The following UTRN variants were observed in gnomAD, a reference collection of about 807,000 sequenced individuals.
UTRN encodes the protein dystrophin-related protein 1.
UTRN carries 283 observed loss-of-function variants against 463.9 expected under a neutral mutation model. That is an observed-to-expected ratio of 0.61 (90% CI 0.55 to 0.67). The LOEUF is 0.67. Among genes scored for constraint, UTRN ranks in the 30% least tolerant of loss-of-function variants. The pLI, the probability that UTRN is intolerant of heterozygous loss-of-function variation, is 0.00. For synonymous variants in UTRN, 1,442 were observed against 1,431.5 expected, an observed-to-expected ratio of 1.01 and a Z score of -0.17; for missense variants, 3,922 against 4,084.3, an observed-to-expected ratio of 0.96 and a Z score of 1.08.
chr6:144,714,905 C>G (rs1463148795), intron 53 of UTRN, among the ~76,000 whole-genome samples: 2 of 151,350 alleles, frequency 1.3e-5, no homozygotes, highest in Non-Finnish European at 2.9e-5. Flanking sequence ...GAACACCGCA[C>G]TCTCCTGATG....
intron 2 of UTRN, chr6:144,312,182 T>G (rs1406971912): frequency 6.6e-6 from 1 of 152,180 alleles, no homozygotes; most frequent in Non-Finnish European, 1.5e-5. Flanking sequence ...TCCCAGCACT[T>G]TGGGAGGCCG....
intron 51 of UTRN, among the ~76,000 whole-genome samples, chr6:144,620,385 G>A (rs752461864): frequency 6.6e-6 from 1 of 151,822 alleles, no homozygotes; most frequent in South Asian, 2.1e-4. Context: ...TCTAATAAAG[G>A]CTCCATCTGC....
rs1329032391 is a variant in UTRN at position 144,721,795 on chromosome 6, C to T, written c.7810-8562C>T. Among the ~76,000 whole-genome samples the T allele has an allele frequency of 2.0e-5, 3 of 151,982 alleles. No individual in the cohort carries two copies. The East Asian group carries it at 5.9e-4, about 30-fold the overall frequency. On this transcript the variant is annotated intron_variant, in intron 53 of 74. Coordinates refer to ENST00000367545, the MANE Select transcript of UTRN (RefSeq NM_007124.3). ...TGAAATTCATTTGTTTCAGATATAC[C>T]TTAGACACATAGCCTGAAGGTAATT...
chr6:144,798,906 T>A (rs926936613), intron 64 of UTRN, among the ~76,000 whole-genome samples: 8 of 152,352 alleles, frequency 5.3e-5, no homozygotes, highest in African/African-American at 1.9e-4. Context: ...CACACCCAGC[T>A]AATTTTTGTA....
At chr6:144,835,985 T>C (rs759313514) in intron 70 of UTRN, 47 bp downstream of exon 70, 4 of 1,597,048 alleles carry the variant, frequency 2.5e-6, no homozygotes, top group South Asian at 1.1e-5. Context: ...TTCTTTTGTA[T>C]GAATTTCACT....
chr6:144,532,278 A>G (rs1057476837), intron 42 of UTRN, among the ~76,000 whole-genome samples: 1 of 152,212 alleles, frequency 6.6e-6, no homozygotes, highest in African/African-American at 2.4e-5. Context: ...GTCTGTTCTC[A>G]TGCTGCTAAT....
chr6:144,734,089 G>A (rs1789081219), intron 54 of UTRN, among the ~76,000 whole-genome samples: 1 of 151,992 alleles, frequency 6.6e-6, no homozygotes, highest in South Asian at 2.1e-4. Context: ...ATTTTTATGA[G>A]CTAGATGCTT....
intron 14 of UTRN, among the ~76,000 whole-genome samples, chr6:144,445,267 C>T (rs1177953512): frequency 6.8e-6 from 1 of 146,780 alleles, no homozygotes; most frequent in Non-Finnish European, 1.5e-5. Context: ...AGGAGAATTG[C>T]TGGAACCCAG....
chr6:144,474,465 A>G (rs979492786), intron 24 of UTRN, 139 bp from the exon 25 acceptor site: 13 of 893,190 alleles, frequency 1.5e-5, no homozygotes, highest in Admixed American at 7.1e-5. Flanking sequence ...TTAAGGCACA[A>G]TATTTCTTAA....
intron 51 of UTRN, among the ~76,000 whole-genome samples, chr6:144,641,514 G>A (rs752763481): frequency 6.6e-6 from 1 of 152,144 alleles, no homozygotes; most frequent in Non-Finnish European, 1.5e-5. Context: ...AATGAGGCAT[G>A]TTGACCCCCT....
Position 144,849,415 on chromosome 6 carries a change from A to G in UTRN, c.10294-1574A>G, listed in dbSNP as rs558723200. 1.1e-4 allele frequency among the ~76,000 whole-genome samples: 17 copies of G among 152,312 alleles called. No homozygotes were observed. In the East Asian group the frequency reaches 1.2e-3, roughly 10 times the overall value. On this transcript the variant is annotated intron_variant, in intron 74 of 74. Coordinates refer to ENST00000367545, the MANE Select transcript of UTRN (RefSeq NM_007124.3). ...ATCCTCAGATATAATACAAGTGCTC[A>G]GAATTTAAAGCAGAAAATTATCTGA...
intron 2 of UTRN, among the ~76,000 whole-genome samples, chr6:144,356,585 G>T (rs1329193500): frequency 6.6e-6 from 1 of 152,154 alleles, no homozygotes; most frequent in Non-Finnish European, 1.5e-5. Context: ...CGTTTAGGTG[G>T]GTGGATCACT....
chr6:144,544,710 A>G (rs901446987), intron 46 of UTRN, among the ~76,000 whole-genome samples: 1 of 151,956 alleles, frequency 6.6e-6, no homozygotes, highest in African/African-American at 2.4e-5. Flanking sequence ...AAGAAAAAAA[A>G]AACCTTTTTC....
intron 2 of UTRN, among the ~76,000 whole-genome samples, chr6:144,394,144 C>T (rs1782186422): frequency 6.6e-6 from 1 of 152,160 alleles, no homozygotes; most frequent in Non-Finnish European, 1.5e-5. Flanking sequence ...AGAATGTCAT[C>T]ATTGGCTTTT....
intron 53 of UTRN, among the ~76,000 whole-genome samples, chr6:144,728,074 C>T (rs1350373305): frequency 6.9e-6 from 1 of 145,196 alleles, no homozygotes; most frequent in Non-Finnish European, 1.5e-5. Flanking sequence ...TCACTCCAGC[C>T]TGGGTGACAG....
intron 51 of UTRN, among the ~76,000 whole-genome samples, chr6:144,655,244 A>G (rs1392217671): frequency 6.6e-6 from 1 of 152,252 alleles, no homozygotes; most frequent in Non-Finnish European, 1.5e-5. Flanking sequence ...TACCTTAAAT[A>G]GCTACCAGCT....
intron 51 of UTRN, among the ~76,000 whole-genome samples, chr6:144,640,875 T>C (rs1464314668): frequency 6.6e-6 from 1 of 152,232 alleles, no homozygotes; most frequent in Non-Finnish European, 1.5e-5. Flanking sequence ...TCAGTTTCAT[T>C]TGAAGACCAG....
intron 53 of UTRN, among the ~76,000 whole-genome samples, chr6:144,701,319 TAA>T (rs79923959): frequency 7.1e-4 from 100 of 141,168 alleles, no homozygotes; most frequent in African/African-American, 1.2e-3. Context: ...GGACTTGTAG[TAA>T]AAAAAAAAAA....
chr6:144,595,162 C>G (rs1803512775), intron 51 of UTRN, among the ~76,000 whole-genome samples: 1 of 152,096 alleles, frequency 6.6e-6, no homozygotes, highest in South Asian at 2.1e-4. Flanking sequence ...ACATATCAGT[C>G]CTCAGTTTTG....
Sources: allele counts gnomAD v4.1 joint callset (sites outside exome capture counted in the v4.1 genomes callset), GRCh38; gene constraint gnomAD v4.1.1; transcripts MANE v1.5; gene names NCBI Gene and HGNC (gene_info 2026-07-23, HGNC 2026-07-21).